The following ADAMTS17 variants were observed in gnomAD, a reference collection of about 807,000 sequenced individuals.
ADAMTS17 encodes the protein A disintegrin and metalloproteinase with thrombospondin motifs 17.
In ADAMTS17, 113 loss-of-function variants were observed where a neutral mutation model predicts 141.5. That is an observed-to-expected ratio of 0.80 (90% CI 0.69 to 0.93). The LOEUF (loss-of-function observed/expected upper bound fraction) is 0.93, where lower values mean the gene tolerates loss of function less well. Ranked by LOEUF, ADAMTS17 falls within the 40% of genes least tolerant of loss-of-function variation. ADAMTS17 has a pLI of 0.00. For synonymous variants in ADAMTS17, 768 were observed against 630.6 expected, an observed-to-expected ratio of 1.22 and a Z score of -3.27; for missense variants, 1,659 against 1,517.9, an observed-to-expected ratio of 1.09 and a Z score of -1.54.
chr15:100,252,860 T>C (rs75760538), intron 7 of ADAMTS17, among the ~76,000 whole-genome samples: 2,276 of 152,256 alleles, frequency 0.015, 21 homozygotes, highest in Middle Eastern at 0.051. Context: ...GTGACATGAA[T>C]GGTAGCTATC....
At chr15:100,037,593 G>T (rs974262775) in intron 18 of ADAMTS17, among the ~76,000 whole-genome samples, 2 of 152,092 alleles carry the variant, frequency 1.3e-5, no homozygotes, top group African/African-American at 4.8e-5. Flanking sequence ...TATTTTAGTA[G>T]AGATGGGGTT....
intron 8 of ADAMTS17, among the ~76,000 whole-genome samples, chr15:100,175,298 G>A (rs747478989): frequency 3.3e-5 from 5 of 152,182 alleles, no homozygotes; most frequent in Admixed American, 1.3e-4. Flanking sequence ...TAATTGGTCT[G>A]GAACAGCAGC....
intron 20 of ADAMTS17, among the ~76,000 whole-genome samples, chr15:99,983,304 G>A (rs1321977845): frequency 6.6e-6 from 1 of 152,116 alleles, no homozygotes; most frequent in Non-Finnish European, 1.5e-5. Flanking sequence ...GGTGTCTGCT[G>A]GGGATGCGGC....
At chr15:100,145,652 GAGAA>G (rs2038866460) in intron 10 of ADAMTS17, among the ~76,000 whole-genome samples, 1 of 152,132 alleles carries the variant, frequency 6.6e-6, no homozygotes, top group African/African-American at 2.4e-5. Context: ...CTAATGTAAT[GAGAA>G]TTGTATATGT....
rs144682961 is a variant in ADAMTS17, at chr15:100,337,640, A to C, written c.450+3399T>G. 6.6e-5 allele frequency among the ~76,000 whole-genome samples: 10 copies of C among 152,352 alleles called. No individual in the cohort carries two copies. The East Asian group carries it at 1.9e-3, about 29-fold the overall frequency. The stretch of plus-strand genomic sequence containing the variant: ...GCTTTTTCCAAGAAGGGGTGGACAC[A>C]TTCCAGTGGGTGGCCTTCCCAAGCT... On this transcript the variant is annotated intron_variant, in intron 2 of 21. Coordinates refer to ENST00000268070, the MANE Select transcript of ADAMTS17 (RefSeq NM_139057.4).
In ADAMTS17 at chr15:100,341,965, C is replaced by T; in HGVS notation, c.-66G>A. 6.5e-7 allele frequency: 1 copy of T among 1,535,182 alleles called. No individual in the cohort carries two copies. Among genetic ancestry groups the T allele is most frequent in the South Asian group, 1.2e-5 (1 of 83,734 alleles). ...AGCAGGAGCGCGCTAGGCGGCGGCG[C>T]CAGCCGGAGTGAAGCCCTCCAGCCT... On this transcript the variant is annotated 5_prime_UTR_variant, in exon 1 of 22. Transcript: ENST00000268070.
chr15:100,259,445 C>G lies in ADAMTS17; in HGVS notation c.1031+2034G>C, dbSNP rs146102716. 2.3e-3 allele frequency among the ~76,000 whole-genome samples: 352 copies of G among 152,364 alleles called. 2 individuals carry two copies. Among genetic ancestry groups the G allele is most frequent in the African/African-American group, 8.0e-3 (331 of 41,592 alleles). On this transcript the variant is annotated intron_variant, in intron 6 of 21. Transcript: ENST00000268070. ...GCCTCTGGCCAGTGAGTGTGGGCAG[C>G]CACTGCTCTTGGGGAGGGCGGTGCC...
intron 15 of ADAMTS17, among the ~76,000 whole-genome samples, chr15:100,076,555 C>G (rs2141775955): frequency 6.6e-6 from 1 of 152,220 alleles, no homozygotes; most frequent in East Asian, 1.9e-4. Flanking sequence ...TAAAGTGAGA[C>G]AAGTTCTAAT....
At chr15:100,287,715 A>T (rs1404311621) in intron 3 of ADAMTS17, among the ~76,000 whole-genome samples, 2 of 152,236 alleles carry the variant, frequency 1.3e-5, no homozygotes, top group Non-Finnish European at 2.9e-5. Context: ...GCCAGGAGAA[A>T]TTACAGGCCT....
intron 3 of ADAMTS17, among the ~76,000 whole-genome samples, chr15:100,327,760 G>C (rs1320387236): frequency 2.0e-5 from 3 of 152,192 alleles, no homozygotes; most frequent in African/African-American, 7.2e-5. Flanking sequence ...GCTATTTTAT[G>C]GATCAGTTTA....
At chr15:100,104,857 T>C (rs917469342) in intron 14 of ADAMTS17, among the ~76,000 whole-genome samples, 1 of 152,240 alleles carries the variant, frequency 6.6e-6, no homozygotes, top group African/African-American at 2.4e-5. Context: ...GAATGTTTCA[T>C]CTTGACAATT....
At chr15:100,272,027 A>G (rs551989074) in intron 4 of ADAMTS17, among the ~76,000 whole-genome samples, 181 of 101,318 alleles carry the variant, frequency 1.8e-3, no homozygotes, top group Non-Finnish European at 3.3e-3. Flanking sequence ...TTGACCATAT[A>G]TATGTGTTAA....
At chr15:100,224,448 G>A (rs1378356369) in intron 7 of ADAMTS17, among the ~76,000 whole-genome samples, 1 of 152,138 alleles carries the variant, frequency 6.6e-6, no homozygotes, top group East Asian at 1.9e-4. Context: ...TAAAAGAATT[G>A]AGATACAGAC....
In ADAMTS17 at chr15:100,052,465, C is replaced by T. The variant is rs74747517; in HGVS notation, c.2296-734G>A. Among the ~76,000 whole-genome samples, 1,179 of 152,302 alleles carry T rather than the reference C, an allele frequency of 7.7e-3. 15 individuals are homozygous for T. Among genetic ancestry groups the T allele is most frequent in the African/African-American group, 0.027 (1,142 of 41,558 alleles). On this transcript the variant is annotated intron_variant, in intron 16 of 21. Coordinates refer to ENST00000268070, the MANE Select transcript of ADAMTS17 (RefSeq NM_139057.4). The stretch of plus-strand genomic sequence containing the variant: ...CAGTTACGGTAGTAGTTGCTTTCTC[C>T]GAGTTTTGTTCATCCTGGTCTGAAT...
rs966937290 is a variant in ADAMTS17, at chr15:100,144,550, GA to G, written c.1473+8061del. Among the ~76,000 whole-genome samples, 148 of 144,752 alleles carry G rather than the reference GA, an allele frequency of 1.0e-3. 1 individual carries two copies. The Middle Eastern group carries it at 0.026, about 25-fold the overall frequency. The allele number at this position is 144,752 out of a possible 152,430, so 95.0% of individuals were successfully genotyped here. On this transcript the variant is annotated intron_variant, in intron 10 of 21. Coordinates refer to ENST00000268070, the MANE Select transcript of ADAMTS17 (RefSeq NM_139057.4). Reference sequence around the variant, plus strand: ...GGGTGACAGAGCAAGACTCCATCTCGAAAAAAAAAAAATCTGTGATTCCTAA... The same window carrying G: ...GGGTGACAGAGCAAGACTCCATCTCGAAAAAAAAAAATCTGTGATTCCTAA...
chr15:100,101,753 G>A lies in ADAMTS17; in HGVS notation c.2017-5277C>T, dbSNP rs118081345. ...CTCATATTTGAATTGGGACTTCCTC[G>A]TACAAGTTTTGATGGTACTTGTTTT... On this transcript the variant is annotated intron_variant, in intron 14 of 21. Transcript: ENST00000268070. Among the ~76,000 whole-genome samples, 106 of 152,282 alleles carry A rather than the reference G, an allele frequency of 7.0e-4. No homozygotes were observed. In the East Asian group the frequency reaches 0.017, roughly 25 times the overall value.
intron 18 of ADAMTS17, among the ~76,000 whole-genome samples, chr15:99,999,763 T>C (rs1288456734): frequency 6.6e-6 from 1 of 152,122 alleles, no homozygotes; most frequent in African/African-American, 2.4e-5. Flanking sequence ...AGGAGGCTCC[T>C]ACGGCAGTCC....
At chr15:100,205,619 C>T (rs190711041) in intron 7 of ADAMTS17, among the ~76,000 whole-genome samples, 5 of 152,284 alleles carry the variant, frequency 3.3e-5, no homozygotes, top group Admixed American at 3.3e-4. Flanking sequence ...CCCTGATGCC[C>T]ACCAGAAATG....
At chr15:100,070,453 C>T (rs1415015991) in intron 15 of ADAMTS17, among the ~76,000 whole-genome samples, 1 of 150,248 alleles carries the variant, frequency 6.7e-6, no homozygotes, top group Non-Finnish European at 1.5e-5. Flanking sequence ...TTCTCAGCAC[C>T]ACACCACACT....
Sources: gnomAD v4.1 joint callset for allele counts (sites outside exome capture counted in the v4.1 genomes callset) on GRCh38, gnomAD v4.1.1 for gene constraint, MANE v1.5 for transcripts, NCBI Gene and HGNC (gene_info 2026-07-23, HGNC 2026-07-21) for gene names.